TDRD12: variants seen among roughly 807,000 people sequenced by gnomAD.
TDRD12 encodes putative ATP-dependent RNA helicase TDRD12.
In TDRD12, 158 loss-of-function variants were observed where a neutral mutation model predicts 133.5. That is an observed-to-expected ratio of 1.18 (90% CI 1.04 to 1.35). The LOEUF is 1.35. Ranked by LOEUF, TDRD12 falls within the 40% of genes most tolerant of loss-of-function variation. The probability of loss-of-function intolerance (pLI) is 0.00; values close to 1 mark genes in which losing one functional copy is unlikely to be tolerated. For missense variants in TDRD12, 1,443 were observed against 1,321.3 expected (o/e 1.09, Z -1.43); for synonymous variants, 460 against 477.9 (o/e 0.96, Z 0.49).
Position 32,806,337 on chromosome 19 carries a change from GT to G in TDRD12, c.2553-1193del, listed in dbSNP as rs58555952. ...CCTATTTACGCTTAAAGAAGACCGAGTTTTTTTTTTTTTTTTTTTAAGACAG... is the reference window on the plus strand; with the variant it reads ...CCTATTTACGCTTAAAGAAGACCGAGTTTTTTTTTTTTTTTTTTAAGACAG... On this transcript the variant is annotated intron_variant, in intron 21 of 27. Coordinates refer to ENST00000444215, the Ensembl canonical transcript of TDRD12. Among the ~76,000 whole-genome samples, 1,017 of 135,254 alleles carry G rather than the reference GT, an allele frequency of 7.5e-3. 9 individuals are homozygous for G. Among genetic ancestry groups the G allele is most frequent in the African/African-American group, 0.022 (809 of 36,162 alleles). The allele number at this position is 135,254 out of a possible 152,430, so 88.7% of individuals were successfully genotyped here. A position where few individuals can be genotyped will look rare whatever the true frequency, so the allele number is the denominator to read the frequency against.
intron 20 of TDRD12, 42 bp from the exon 21 acceptor site, chr19:32,802,880 G>A (rs1442530838): frequency 1.3e-6 from 2 of 1,528,234 alleles, no homozygotes; most frequent in Non-Finnish European, 1.8e-6. Flanking sequence ...CAGTCAGACT[G>A]GGATAGATGA....
At chr19:32,817,360 T>C (rs979060856) in intron 26 of TDRD12, among the ~76,000 whole-genome samples, 1 of 152,042 alleles carries the variant, frequency 6.6e-6, no homozygotes, top group Non-Finnish European at 1.5e-5. Context: ...TTAAGTGGAA[T>C]CGTCCACTGT....
Position 32,810,378 on chromosome 19 carries a change from A to T in TDRD12, c.2837+101A>T, listed in dbSNP as rs1271753366. The T allele has an allele frequency of 7.1e-6, 7 of 988,260 alleles. No homozygotes were observed. In the Admixed American group the frequency reaches 2.2e-4, roughly 31 times the overall value. The allele number at this position is 988,260 out of a possible 1,614,324, so 61.2% of individuals were successfully genotyped here. ...CCTCTGTCCATTTGACTGAGTGTGT[A>T]TGTGAGCCTGGTGACAGCGGGGTGT... On this transcript the variant is annotated intron_variant, in intron 23 of 27. Coordinates refer to ENST00000444215, the Ensembl canonical transcript of TDRD12.
chr19:32,810,307 G>A (rs956603372), intron 23 of TDRD12, 30 bp downstream of exon 23: 1 of 1,460,976 alleles, frequency 6.8e-7, no homozygotes, highest in East Asian at 2.5e-5. Context: ...CATCTGTAAA[G>A]TTTTGAAGCA....
intron 21 of TDRD12, 98 bp from the exon 22 acceptor site, chr19:32,807,451 T>C (rs1032671847): frequency 3.1e-5 from 23 of 743,034 alleles, no homozygotes; most frequent in Non-Finnish European, 4.3e-5. Context: ...ATAAAAGTTA[T>C]CTGATTTAGG....
At chr19:32,787,311 C>T (rs1427919590) in intron 11 of TDRD12, among the ~76,000 whole-genome samples, 1 of 152,200 alleles carries the variant, frequency 6.6e-6, no homozygotes, top group African/African-American at 2.4e-5. Flanking sequence ...CAGAGGGACA[C>T]CCACCTGTAT....
chr19:32,818,001 A>G, intron 26 of TDRD12, 88 bp from the exon 27 acceptor site: 2 of 681,994 alleles, frequency 2.9e-6, no homozygotes, highest in Non-Finnish European at 5.3e-6. Context: ...TTACCCATGC[A>G]CTCCAAGCTC....
chr19:32,827,195 GA>G, exon 10 of TDRD12: 1 of 1,231,982 alleles, frequency 8.1e-7, no homozygotes, highest in Non-Finnish European at 1.0e-6. Context: ...CGTACACAGT[GA>G]CAGAGGTGGT....
intron 4 of TDRD12, among the ~76,000 whole-genome samples, chr19:32,747,699 T>A (rs1247005366): frequency 3.3e-5 from 5 of 151,520 alleles, no homozygotes; most frequent in Non-Finnish European, 7.4e-5. Flanking sequence ...GTCAGCAGAG[T>A]GAGGAACAGT....
intron 1 of TDRD12, among the ~76,000 whole-genome samples, chr19:32,727,385 C>G (rs1370571998): frequency 1.3e-5 from 2 of 152,110 alleles, no homozygotes; most frequent in Non-Finnish European, 2.9e-5. Flanking sequence ...GAGATATAAG[C>G]CTTGCAAATA....
intron 5 of TDRD12, among the ~76,000 whole-genome samples, chr19:32,749,567 A>G (rs1382904968): frequency 1.3e-5 from 2 of 152,088 alleles, no homozygotes; most frequent in African/African-American, 4.8e-5. Context: ...AGAGAGGACC[A>G]CAGGGTGGCA....
intron 18 of TDRD12, among the ~76,000 whole-genome samples, chr19:32,801,220 A>G (rs1971379014): frequency 6.6e-6 from 1 of 151,948 alleles, no homozygotes; most frequent in African/African-American, 2.4e-5. Context: ...AAAAAAAAGA[A>G]GAAGAAAAAG....
At chr19:32,813,877 C>T (rs957062518) in intron 25 of TDRD12, 101 bp downstream of exon 25, 19 of 691,622 alleles carry the variant, frequency 2.7e-5, no homozygotes, top group Non-Finnish European at 3.8e-5. Flanking sequence ...TGCATAGAAA[C>T]GGTGACTTAT....
intron 14 of TDRD12, chr19:32,796,013 G>T: frequency 3.4e-6 from 1 of 293,432 alleles, no homozygotes. Context: ...TGAGATTTGG[G>T]TGGGGATGCA....
chr19:32,727,225 G>T (rs1173330245), intron 1 of TDRD12, among the ~76,000 whole-genome samples: 1 of 152,150 alleles, frequency 6.6e-6, no homozygotes, highest in Non-Finnish European at 1.5e-5. Context: ...TGATTAGTAT[G>T]TTGAGCGCCT....
chr19:32,758,024 C>A (rs370078991), intron 8 of TDRD12, among the ~76,000 whole-genome samples: 2 of 152,210 alleles, frequency 1.3e-5, no homozygotes, highest in African/African-American at 4.8e-5. Context: ...ACCCCGTCCC[C>A]GACCTGGGCC....
chr19:32,757,169 GA>G (rs1291513114), intron 8 of TDRD12, 39 bp downstream of exon 8: 42 of 1,452,780 alleles, frequency 2.9e-5, no homozygotes, highest in Admixed American at 1.9e-4. Context: ...TAGGCAGCAT[GA>G]AAAAAATATT....
chr19:32,807,956 G>T (rs1488993352), intron 22 of TDRD12, among the ~76,000 whole-genome samples: 2 of 152,106 alleles, frequency 1.3e-5, no homozygotes, highest in African/African-American at 4.8e-5. Context: ...GGGCACAGTG[G>T]CTCACACCTG....
intron 22 of TDRD12, among the ~76,000 whole-genome samples, chr19:32,809,028 A>T (rs190050879): frequency 1.9e-3 from 294 of 152,162 alleles, no homozygotes; most frequent in African/African-American, 6.7e-3. Context: ...GCTCATTTTT[A>T]GATAGAATTT....
Sources: allele counts gnomAD v4.1 joint callset (sites outside exome capture counted in the v4.1 genomes callset), GRCh38; gene constraint gnomAD v4.1.1; transcripts MANE v1.5; gene names NCBI Gene and HGNC (gene_info 2026-07-23, HGNC 2026-07-21).